Variants in ZMYND12 observed in about 807,000 individuals in gnomAD.
The protein encoded by ZMYND12 is zinc finger MYND-type containing 12.
A neutral mutation model predicts 41.7 loss-of-function variants in ZMYND12; 32 were observed. That is an observed-to-expected ratio of 0.77 (90% CI 0.58 to 1.03). The LOEUF (loss-of-function observed/expected upper bound fraction) is 1.03, where lower values mean the gene tolerates loss of function less well. Among genes scored for constraint, ZMYND12 ranks in the 50% least tolerant of loss-of-function variants. ZMYND12 has a pLI of 0.00. For missense variants in ZMYND12, 424 were observed against 438.5 expected, an observed-to-expected ratio of 0.97 and a Z score of 0.30; for synonymous variants, 148 against 164.8, an observed-to-expected ratio of 0.90 and a Z score of 0.78.
At chr1:42,438,899 T>C (rs1471694018) in intron 4 of ZMYND12, among the ~76,000 whole-genome samples, 1 of 152,176 alleles carries the variant, frequency 6.6e-6, no homozygotes, top group African/African-American at 2.4e-5. Flanking sequence ...TTTTCTCTGG[T>C]AATATTTTCC....
chr1:42,451,113 G>A (rs1474026314), intron 1 of ZMYND12, among the ~76,000 whole-genome samples: 1 of 152,156 alleles, frequency 6.6e-6, no homozygotes, highest in Non-Finnish European at 1.5e-5. Context: ...CGTGATTCAA[G>A]TCTTATATTT....
chr1:42,447,174 G>A (rs779989264), intron 3 of ZMYND12, among the ~76,000 whole-genome samples: 3 of 152,088 alleles, frequency 2.0e-5, no homozygotes, highest in Admixed American at 6.6e-5. Context: ...ACTGGCAGAC[G>A]CCATCCTAAT....
In ZMYND12 at chr1:42,439,497, C is replaced by T. The variant is rs111616479; in HGVS notation, c.594+359G>A. Among the ~76,000 whole-genome samples the T allele has an allele frequency of 6.2e-3, 945 of 152,150 alleles. 6 individuals are homozygous for T. Among genetic ancestry groups the T allele is most frequent in the African/African-American group, 0.021 (879 of 41,496 alleles). ...GCCAGGACGGTCTCAATCTCCTGAC[C>T]TCGTGATCCACCCACCTTGGCCTCC... is the stretch of plus-strand genomic sequence containing the variant. On this transcript the variant is annotated intron_variant, in intron 4 of 7. Transcript: ENST00000372565.
chr1:42,443,936 C>T (rs1273960655), intron 3 of ZMYND12, among the ~76,000 whole-genome samples: 2 of 152,142 alleles, frequency 1.3e-5, no homozygotes, highest in Non-Finnish European at 2.9e-5. Context: ...AATCCTAGCT[C>T]ACTGCAGCCT....
At chr1:42,433,947 CTA>C (rs1324960522) in intron 6 of ZMYND12, among the ~76,000 whole-genome samples, 2 of 152,118 alleles carry the variant, frequency 1.3e-5, no homozygotes, top group Admixed American at 6.5e-5. Flanking sequence ...CTTTGGATAT[CTA>C]TGATTTCCAA....
chr1:42,454,923 T>C (rs951369068), intron 1 of ZMYND12, among the ~76,000 whole-genome samples: 1 of 152,160 alleles, frequency 6.6e-6, no homozygotes, highest in Admixed American at 6.5e-5. Context: ...CACACACATG[T>C]CCACATAAAA....
intron 1 of ZMYND12, among the ~76,000 whole-genome samples, chr1:42,451,012 A>G (rs1643078384): frequency 6.6e-6 from 1 of 152,222 alleles, no homozygotes; most frequent in African/African-American, 2.4e-5. Context: ...TCTATCCTGA[A>G]TAATGTTCTA....
At chr1:42,439,716 A>G in intron 4 of ZMYND12, 140 bp downstream of exon 4, 1 of 905,534 alleles carries the variant, frequency 1.1e-6, no homozygotes, top group East Asian at 2.7e-5. Flanking sequence ...TATGGCTAAC[A>G]TCCCACCAAA....
At chr1:42,454,041 A>C (rs1643114744) in intron 1 of ZMYND12, among the ~76,000 whole-genome samples, 1 of 152,336 alleles carries the variant, frequency 6.6e-6, no homozygotes, top group South Asian at 2.1e-4. Flanking sequence ...CTTTGAAGAA[A>C]TGACATTTAA....
intron 4 of ZMYND12, among the ~76,000 whole-genome samples, chr1:42,438,234 A>G (rs949583625): frequency 6.6e-6 from 1 of 152,222 alleles, no homozygotes; most frequent in African/African-American, 2.4e-5. Context: ...GTGGAACTAG[A>G]TGGCACCCTC....
chr1:42,439,510 C>T (rs1642944662), intron 4 of ZMYND12, among the ~76,000 whole-genome samples: 1 of 152,038 alleles, frequency 6.6e-6, no homozygotes, highest in Admixed American at 6.5e-5. Context: ...GTGATCCACC[C>T]ACCTTGGCCT....
chr1:42,443,283 G>C (rs1329728849), intron 3 of ZMYND12, among the ~76,000 whole-genome samples: 4 of 152,204 alleles, frequency 2.6e-5, no homozygotes, highest in Non-Finnish European at 5.9e-5. Flanking sequence ...TGACCAGTGA[G>C]TGCGTAAGTT....
rs554799801 is a variant in ZMYND12 at position 42,443,418 on chromosome 1, G to T, written c.425-3393C>A. On this transcript the variant is annotated intron_variant, in intron 3 of 7. Transcript: ENST00000372565. ...TTACTAGTGTATGGAATTGGGAAAG[G>T]ACAGCCACTTACAGACCAGTGGTAC... Among the ~76,000 whole-genome samples, 100 of 152,312 alleles carry T rather than the reference G, an allele frequency of 6.6e-4. 1 individual carries two copies. The highest frequency in any genetic ancestry group is 2.3e-3 in the African/African-American group (94 of 41,574).
At chr1:42,447,998 A>G (rs930104154) in intron 3 of ZMYND12, among the ~76,000 whole-genome samples, 2 of 152,228 alleles carry the variant, frequency 1.3e-5, no homozygotes, top group African/African-American at 4.8e-5. Context: ...ATTAGTTTCT[A>G]CTGCCTACTT....
intron 3 of ZMYND12, among the ~76,000 whole-genome samples, chr1:42,443,610 G>T (rs1230134493): frequency 6.6e-6 from 1 of 152,134 alleles, no homozygotes; most frequent in Non-Finnish European, 1.5e-5. Context: ...GGGAAGAAAA[G>T]GGAATCTGTA....
chr1:42,435,523 G>T (rs757087361), intron 5 of ZMYND12, 138 bp from the exon 6 acceptor site: 5 of 642,106 alleles, frequency 7.8e-6, no homozygotes, highest in Non-Finnish European at 1.4e-5. Flanking sequence ...TGGAGGCAGA[G>T]GGAACCCTAG....
chr1:42,455,418 G>A (rs1380188591), intron 1 of ZMYND12, among the ~76,000 whole-genome samples: 1 of 152,188 alleles, frequency 6.6e-6, no homozygotes, highest in Non-Finnish European at 1.5e-5. Flanking sequence ...GATTACAGGC[G>A]CCCAGCACCA....
intron 1 of ZMYND12, among the ~76,000 whole-genome samples, chr1:42,454,519 T>C (rs911337273): frequency 6.6e-6 from 1 of 152,154 alleles, no homozygotes; most frequent in African/African-American, 2.4e-5. Context: ...AGTGTCTACC[T>C]TCCTCTGTAT....
At chr1:42,443,480 T>A (rs1016174658) in intron 3 of ZMYND12, among the ~76,000 whole-genome samples, 1 of 152,220 alleles carries the variant, frequency 6.6e-6, no homozygotes, top group Non-Finnish European at 1.5e-5. Context: ...TACACTGGGT[T>A]AACGGCAGAT....
Sources: gnomAD v4.1 joint callset for allele counts (sites outside exome capture counted in the v4.1 genomes callset) on GRCh38, gnomAD v4.1.1 for gene constraint, MANE v1.5 for transcripts, NCBI Gene and HGNC (gene_info 2026-07-23, HGNC 2026-07-21) for gene names.